The following POSTN variants were observed in gnomAD, a reference collection of about 807,000 sequenced individuals.
POSTN encodes osteoblast specific factor 2 (fasciclin I-like).
A neutral mutation model predicts 104.5 loss-of-function variants in POSTN; 71 were observed. The ratio of observed to expected loss-of-function variants is 0.68; its 90% CI spans 0.56 to 0.83. The LOEUF (loss-of-function observed/expected upper bound fraction) is 0.83, where lower values mean the gene tolerates loss of function less well. Ranked by LOEUF, POSTN falls within the 40% of genes least tolerant of loss-of-function variation. The pLI is 0.00. For synonymous variants in POSTN, 355 were observed against 340.7 expected, an observed-to-expected ratio of 1.04 and a Z score of -0.46; for missense variants, 949 against 1,006.8, an observed-to-expected ratio of 0.94 and a Z score of 0.78.
rs114994732 is a variant in POSTN at position 37,572,067 on chromosome 13, C to T, written c.2090-609G>A. 7.9e-3 allele frequency among the ~76,000 whole-genome samples: 1,197 copies of T among 151,616 alleles called. 14 individuals are homozygous for T. The highest frequency in any genetic ancestry group is 0.027 in the African/African-American group (1,105 of 41,454). ...ATTAACCAGTTAATAGTTAAACAGT[C>T]CTTCAAATGCAAAAGATAAACTAGT... is the stretch of plus-strand genomic sequence containing the variant. On this transcript the variant is annotated intron_variant, in intron 17 of 22. Transcript: ENST00000379747.
intron 4 of POSTN, 92 bp downstream of exon 4, chr13:37,590,280 A>G: frequency 9.5e-7 from 1 of 1,057,322 alleles, no homozygotes; most frequent in Non-Finnish European, 1.3e-6. Flanking sequence ...GAAAGATATA[A>G]AATTTCTACT....
chr13:37,564,025 G>T (rs956651569), intron 22 of POSTN, among the ~76,000 whole-genome samples: 4 of 150,862 alleles, frequency 2.7e-5, no homozygotes, highest in African/African-American at 4.9e-5. Context: ...ATTTACTTAT[G>T]TCTCAAACTG....
intron 21 of POSTN, among the ~76,000 whole-genome samples, chr13:37,566,810 A>T (rs946167275): frequency 1.2e-4 from 18 of 152,252 alleles, no homozygotes; most frequent in East Asian, 1.9e-4. Flanking sequence ...TTAATGAGAA[A>T]TTTTTTCAGT....
intron 12 of POSTN, 80 bp downstream of exon 12, chr13:37,579,781 G>A: frequency 6.8e-7 from 1 of 1,470,992 alleles, no homozygotes; most frequent in South Asian, 1.3e-5. Context: ...TTTTAAGGCA[G>A]ACATCTGGAC....
chr13:37,565,047 A>G (rs1479509105), intron 21 of POSTN: 2 of 152,912 alleles, frequency 1.3e-5, no homozygotes, highest in African/African-American at 4.8e-5. Flanking sequence ...TACATTGACG[A>G]CAACAAAGTA....
At chr13:37,582,803 A>G (rs930192108) in intron 9 of POSTN, among the ~76,000 whole-genome samples, 1 of 152,204 alleles carries the variant, frequency 6.6e-6, no homozygotes, top group African/African-American at 2.4e-5. Flanking sequence ...TCACTGGCAA[A>G]TGCTAAACCT....
rs751848072 is a variant in POSTN, at chr13:37,578,900, C to T, written c.1906G>A (p.Gly636Arg). The change falls in exon 15 of 23, where the codon GGA (glycine) becomes AGA (arginine). Residue 636 changes from glycine (G) to arginine (R), a missense_variant. Gly to Arg is a moderately radical substitution (Grantham distance 125). Transcript: ENST00000379747. ...AGTATTTCCAGCAGTTGATCATTTC[C>T]AACAGGTGTGTCTATGAAGAGAAAT... The part of the protein sequence containing the change: ...KLLYPADTPV[G>R]NDQLLEILNK... The T allele has an allele frequency of 6.9e-6, 11 of 1,595,026 alleles. 1 individual carries two copies. In the East Asian group the frequency reaches 2.2e-4, roughly 33 times the overall value.
rs1217530659 is a variant in POSTN, at chr13:37,583,956, G to A, written c.1243+13C>T. The A allele has an allele frequency of 3.1e-6, 5 of 1,612,698 alleles. No homozygotes were observed. On this transcript the variant is annotated intron_variant, in intron 9 of 22. Coordinates refer to ENST00000379747, the MANE Select transcript of POSTN (RefSeq NM_006475.3). ...GTAGGCAGAGAGCAGGAACAACAGT[G>A]TCCAGCACATACCAGAAAATGCATT... is the stretch of plus-strand genomic sequence containing the variant.
At position 37,571,402 on chromosome 13, in the gene POSTN, C is replaced by T. The variant is rs1451791803; in HGVS notation, c.2146G>A (p.Glu716Lys). The T allele has an allele frequency of 6.2e-7, 1 of 1,610,374 alleles. No individual in the cohort carries two copies. Among genetic ancestry groups the T allele is most frequent in the East Asian group, 2.2e-5 (1 of 44,766 alleles). The change falls in exon 18 of 23, where the codon GAA (glutamate) becomes AAA (lysine). Residue 716 changes from glutamate (E) to lysine (K), a missense_variant. Coordinates refer to ENST00000379747, the MANE Select transcript of POSTN (RefSeq NM_006475.3). Reference sequence around the variant, plus strand: ...ATCACTTCAGTTATTGTTTCACCTTCTTTAATCAGTCTGAATTCAGGTTCA... The same window carrying T: ...ATCACTTCAGTTATTGTTTCACCTTTTTTAATCAGTCTGAATTCAGGTTCA... ...EGEPEFRLIKEGETITEVIHG... is the reference protein window; with the variant it reads ...EGEPEFRLIKKGETITEVIHG...
chr13:37,597,400 A>G, intron 1 of POSTN, 118 bp from the exon 2 acceptor site: 1 of 664,744 alleles, frequency 1.5e-6, no homozygotes, highest in South Asian at 1.9e-5. Flanking sequence ...CAAAGACATG[A>G]TTCTAGCCTT....
intron 4 of POSTN, among the ~76,000 whole-genome samples, chr13:37,588,676 C>G (rs955818431): frequency 1.3e-5 from 2 of 152,088 alleles, no homozygotes; most frequent in African/African-American, 4.8e-5. Flanking sequence ...TCTTTTAAAT[C>G]CAGTGCTGAG....
At chr13:37,584,605 C>A (rs975041264) in intron 8 of POSTN, 111 bp downstream of exon 8, 6 of 866,646 alleles carry the variant, frequency 6.9e-6, no homozygotes, top group African/African-American at 3.4e-5. Context: ...GCTTTGCATG[C>A]CATTCTTTAT....
intron 4 of POSTN, among the ~76,000 whole-genome samples, chr13:37,589,911 C>T (rs1950877158): frequency 6.6e-6 from 1 of 152,116 alleles, no homozygotes; most frequent in Non-Finnish European, 1.5e-5. Flanking sequence ...TAACTATCCA[C>T]ATACATGTAT....
intron 20 of POSTN, 150 bp downstream of exon 20, chr13:37,569,594 G>T: frequency 1.2e-6 from 1 of 821,866 alleles, no homozygotes; most frequent in Non-Finnish European, 2.1e-6. Context: ...TGCCATTTAT[G>T]CTTAATTCCT....
chr13:37,580,715 G>T lies in POSTN; in HGVS notation c.1393-18C>A. On this transcript the variant is annotated intron_variant, in intron 10 of 22. Transcript: ENST00000379747. The stretch of plus-strand genomic sequence containing the variant: ...CAGACAGCCTAGGAAAGGAAAGAAA[G>T]GTATGGGGTGTCATTTTCCTTGCTT... The T allele has an allele frequency of 6.2e-7, 1 of 1,613,422 alleles. No individual in the cohort carries two copies. The highest frequency in any genetic ancestry group is 8.5e-7 in the Non-Finnish European group (1 of 1,179,690).
chr13:37,587,813 A>AAAACTT lies in POSTN; in HGVS notation c.606+3_606+8dup, dbSNP rs1950792729. ...TTTCATAAGTGTACTTTTTACTGAT[A>AAAACTT]AAACTTACCCCATTAGGATAATGGT... On this transcript the variant is annotated intron_variant, in intron 5 of 22. Transcript: ENST00000379747. 6.4e-7 allele frequency: 1 copy of AAAACTT among 1,555,062 alleles called. No homozygotes were observed. The highest frequency in any genetic ancestry group is 8.8e-7 in the Non-Finnish European group (1 of 1,138,380).
At chr13:37,580,062 T>C (rs763125127) in intron 11 of POSTN, 71 bp from the exon 12 acceptor site, 114 of 1,375,640 alleles carry the variant, frequency 8.3e-5, no homozygotes, top group Non-Finnish European at 1.1e-4. Flanking sequence ...GTGCATGTAA[T>C]AGAATAGAAT....
intron 16 of POSTN, among the ~76,000 whole-genome samples, chr13:37,577,198 T>C (rs1475680534): frequency 6.6e-6 from 1 of 152,222 alleles, no homozygotes; most frequent in East Asian, 1.9e-4. Flanking sequence ...GATAATCTGG[T>C]TGTGTCAGAG....
chr13:37,566,962 C>T (rs1234289083), intron 21 of POSTN, among the ~76,000 whole-genome samples: 4 of 151,806 alleles, frequency 2.6e-5, no homozygotes, highest in Non-Finnish European at 4.4e-5. Context: ...CATGGCCGGG[C>T]GCGGTGGCTC....
Sources: gnomAD v4.1 joint callset for allele counts (sites outside exome capture counted in the v4.1 genomes callset) on GRCh38, gnomAD v4.1.1 for gene constraint, MANE v1.5 for transcripts, NCBI Gene and HGNC (gene_info 2026-07-23, HGNC 2026-07-21) for gene names.